Variants in TSHR observed in about 807,000 individuals in gnomAD.
TSHR encodes the protein thyroid stimulating hormone receptor, also known as thyrotropin receptor.
In TSHR, 51 loss-of-function variants were observed where a neutral mutation model predicts 64.1. The ratio of observed to expected loss-of-function variants is 0.80; its 90% CI spans 0.64 to 1.01. The LOEUF is 1.01. TSHR is among the 50% of genes least tolerant of loss of function. TSHR has a pLI of 0.00. For synonymous variants in TSHR, 361 were observed against 361.9 expected, an observed-to-expected ratio of 1.00 and a Z score of 0.03; for missense variants, 877 against 942.8, an observed-to-expected ratio of 0.93 and a Z score of 0.91.
intron 1 of TSHR, among the ~76,000 whole-genome samples, chr14:81,021,002 T>C (rs191333949): frequency 6.0e-4 from 92 of 152,148 alleles, no homozygotes; most frequent in African/African-American, 2.1e-3. Flanking sequence ...CACCCACAGA[T>C]GGGACCATCT....
intron 1 of TSHR, among the ~76,000 whole-genome samples, chr14:81,015,421 T>A (rs905589131): frequency 3.9e-5 from 6 of 152,178 alleles, no homozygotes; most frequent in Non-Finnish European, 8.8e-5. Context: ...TGGTTTGTTT[T>A]AACCAAATAT....
chr14:81,046,596 T>C (rs772074399), intron 1 of TSHR, among the ~76,000 whole-genome samples: 4 of 151,748 alleles, frequency 2.6e-5, no homozygotes, highest in African/African-American at 9.7e-5. Flanking sequence ...TATACGTAAT[T>C]GGAGTTCCAG....
chr14:81,087,846 G>C lies in TSHR; in HGVS notation c.318-108G>C, dbSNP rs1200792976. 3 of 899,726 alleles carry C rather than the reference G, an allele frequency of 3.3e-6. No homozygotes were observed. The African/African-American group carries it at 4.9e-5, about 15-fold the overall frequency. The allele number at this position is 899,726 out of a possible 1,614,324, so 55.7% of individuals were successfully genotyped here. The stretch of plus-strand genomic sequence containing the variant: ...CCCTGGGGTACCCTGTGGCGTAAAT[G>C]CATATTTTTCTCATGAACGTTTGTT... On this transcript the variant is annotated intron_variant, in intron 3 of 9. Transcript: ENST00000298171.
intron 6 of TSHR, among the ~76,000 whole-genome samples, chr14:81,092,925 G>A (rs79298369): frequency 0.012 from 1,886 of 152,198 alleles, 42 homozygotes; most frequent in African/African-American, 0.04. Flanking sequence ...GGCAAAAACC[G>A]CAGTACTCAA....
intron 3 of TSHR, 151 bp downstream of exon 3, chr14:81,068,479 G>C (rs990872116): frequency 5.7e-6 from 4 of 699,948 alleles, no homozygotes; most frequent in Non-Finnish European, 1.0e-5. Context: ...CTCATTCTCA[G>C]TTCATGTTAA....
intron 7 of TSHR, chr14:81,104,364 C>T: frequency 1.0e-6 from 1 of 985,432 alleles, no homozygotes; most frequent in Non-Finnish European, 1.2e-6. Flanking sequence ...AGCCCAAGTT[C>T]CCCATAAAGG....
rs117014338 is a variant in TSHR at position 80,989,004 on chromosome 14, C to G, written c.170+33154C>G. Reference sequence around the variant, plus strand: ...AGCCACACACCAGTATTTTTTCTACCAGTTAGACATTTCTGTCTAGTTGTC... The same window carrying G: ...AGCCACACACCAGTATTTTTTCTACGAGTTAGACATTTCTGTCTAGTTGTC... On this transcript the variant is annotated intron_variant, in intron 1 of 9. Transcript: ENST00000298171. Among the ~76,000 whole-genome samples, 1,133 of 152,300 alleles carry G rather than the reference C, an allele frequency of 7.4e-3. 11 individuals are homozygous for G. Among genetic ancestry groups the G allele is most frequent in the Non-Finnish European group, 9.7e-3 (662 of 68,030 alleles).
At chr14:81,007,322 G>T (rs1396961282) in intron 1 of TSHR, among the ~76,000 whole-genome samples, 1 of 152,208 alleles carries the variant, frequency 6.6e-6, no homozygotes, top group African/African-American at 2.4e-5. Flanking sequence ...TGCTGTGCCA[G>T]TAGACTAAGA....
At chr14:81,138,746 G>T (rs2140100483) in intron 8 of TSHR, among the ~76,000 whole-genome samples, 1 of 152,144 alleles carries the variant, frequency 6.6e-6, no homozygotes, top group African/African-American at 2.4e-5. Flanking sequence ...TAGCTAATTG[G>T]ATACTATTAA....
chr14:81,128,230 TG>T (rs900198137), intron 8 of TSHR, among the ~76,000 whole-genome samples: 4 of 152,242 alleles, frequency 2.6e-5, no homozygotes, highest in African/African-American at 9.6e-5. Flanking sequence ...AGCTTTGTGC[TG>T]GGTTCTTTAC....
intron 1 of TSHR, among the ~76,000 whole-genome samples, chr14:80,984,617 C>T (rs1266267904): frequency 1.3e-5 from 2 of 152,160 alleles, no homozygotes; most frequent in African/African-American, 4.8e-5. Flanking sequence ...CATTTTGAGG[C>T]GACGGCCTTC....
intron 1 of TSHR, among the ~76,000 whole-genome samples, chr14:81,015,679 T>C (rs893019888): frequency 1.3e-5 from 2 of 152,092 alleles, no homozygotes; most frequent in Non-Finnish European, 2.9e-5. Flanking sequence ...AAGTACACAA[T>C]GTTATTAACT....
chr14:81,078,281 T>A (rs1887642310), intron 3 of TSHR, among the ~76,000 whole-genome samples: 1 of 152,232 alleles, frequency 6.6e-6, no homozygotes. Context: ...TGAAAAACAC[T>A]TTTGCTGAGT....
At chr14:80,967,537 G>A (rs1887383815) in intron 1 of TSHR, among the ~76,000 whole-genome samples, 2 of 151,896 alleles carry the variant, frequency 1.3e-5, no homozygotes, top group South Asian at 2.1e-4. Flanking sequence ...TGGCCGCCTC[G>A]GCCTCCCAAA....
chr14:80,961,589 A>G (rs1887032392), intron 1 of TSHR, among the ~76,000 whole-genome samples: 1 of 152,224 alleles, frequency 6.6e-6, no homozygotes, highest in Admixed American at 6.5e-5. Flanking sequence ...AAAATTTGTT[A>G]CTACTCCCTT....
At chr14:81,096,616 T>G (rs747516544) in intron 6 of TSHR, 23 bp from the exon 7 acceptor site, 1 of 1,612,092 alleles carries the variant, frequency 6.2e-7, no homozygotes, top group Non-Finnish European at 8.5e-7. Context: ...GTCACTGATT[T>G]CTCTTCTCTC....
intron 1 of TSHR, among the ~76,000 whole-genome samples, chr14:80,990,326 G>C (rs967295186): frequency 2.6e-5 from 4 of 152,168 alleles, no homozygotes; most frequent in Admixed American, 2.6e-4. Context: ...CTATGCCTTG[G>C]GGCAGCTCAT....
intron 9 of TSHR, among the ~76,000 whole-genome samples, chr14:81,141,781 AG>A (rs1891698582): frequency 6.6e-6 from 1 of 152,200 alleles, no homozygotes; most frequent in Admixed American, 6.5e-5. Context: ...TAAAATATTC[AG>A]TTTGAAACTA....
intron 1 of TSHR, among the ~76,000 whole-genome samples, chr14:81,043,745 C>T (rs781686554): frequency 5.9e-5 from 9 of 151,982 alleles, no homozygotes. Context: ...ACACATAGAC[C>T]AATGGAACAG....
Sources: gnomAD v4.1 joint callset for allele counts (sites outside exome capture counted in the v4.1 genomes callset) on GRCh38, gnomAD v4.1.1 for gene constraint, MANE v1.5 for transcripts, NCBI Gene and HGNC (gene_info 2026-07-23, HGNC 2026-07-21) for gene names.